Variants in LRRC7 observed in about 807,000 individuals in gnomAD.
LRRC7 encodes leucine-rich repeat-containing protein 7.
Under a neutral mutation model 175.7 loss-of-function variants are expected in LRRC7, and 23 were observed. The ratio of observed to expected loss-of-function variants is 0.13; its 90% CI spans 0.09 to 0.19. The LOEUF (loss-of-function observed/expected upper bound fraction) is 0.19. Among genes scored for constraint, LRRC7 ranks in the 10% least tolerant of loss-of-function variants. The pLI is 1.00. For missense variants in LRRC7, 1,354 were observed against 1,904.7 expected (o/e 0.71, Z 5.38); for synonymous variants, 685 against 680.9 (o/e 1.01, Z -0.09).
chr1:69,656,307 A>G (rs1357082926), intron 1 of LRRC7, among the ~76,000 whole-genome samples: 1 of 152,032 alleles, frequency 6.6e-6, no homozygotes, highest in Non-Finnish European at 1.5e-5. Context: ...ATGAGATGGT[A>G]TATTGTCAGT....
In LRRC7 at chr1:70,138,719, T is replaced by C. The variant is rs1369057926; in HGVS notation, c.*16832T>C. The C allele has an allele frequency of 6.6e-6, 1 of 152,214 alleles. No homozygotes were observed. Among genetic ancestry groups the C allele is most frequent in the Non-Finnish European group, 1.5e-5 (1 of 68,036 alleles). The allele number at this position is 152,214 out of a possible 1,614,324, so 9.4% of individuals were successfully genotyped here. On this transcript the variant is annotated 3_prime_UTR_variant, in exon 27 of 27. Transcript: ENST00000651989. ...GAATGCATAGATGTAGTAAAACCAT[T>C]AAATACAGTAGTATCTGGTGGCCTT...
chr1:69,916,588 T>C (rs1025755552), intron 7 of LRRC7, among the ~76,000 whole-genome samples: 2 of 151,968 alleles, frequency 1.3e-5, no homozygotes, highest in Non-Finnish European at 2.9e-5. Context: ...GTTAATTAAT[T>C]ATAGCTGCCT....
intron 7 of LRRC7, among the ~76,000 whole-genome samples, chr1:69,850,898 A>C (rs1682906471): frequency 6.6e-6 from 1 of 152,102 alleles, no homozygotes. Flanking sequence ...ATTATATTTA[A>C]AATTATGAAA....
chr1:69,620,479 A>G (rs1329926119), intron 1 of LRRC7, among the ~76,000 whole-genome samples: 1 of 152,206 alleles, frequency 6.6e-6, no homozygotes, highest in Non-Finnish European at 1.5e-5. Context: ...TTACAAGTGC[A>G]GGTTTTAATA....
At chr1:69,702,834 C>A (rs915214660) in intron 2 of LRRC7, among the ~76,000 whole-genome samples, 1 of 152,018 alleles carries the variant, frequency 6.6e-6, no homozygotes, top group South Asian at 2.1e-4. Context: ...ATCCTAGGCA[C>A]AAAATAATAT....
chr1:69,711,757 A>G (rs1288078010), intron 2 of LRRC7, among the ~76,000 whole-genome samples: 1 of 152,186 alleles, frequency 6.6e-6, no homozygotes, highest in Non-Finnish European at 1.5e-5. Context: ...GATTATAAGC[A>G]TAACTGAACA....
intron 2 of LRRC7, among the ~76,000 whole-genome samples, chr1:69,715,444 C>T (rs1344681701): frequency 6.6e-6 from 1 of 151,990 alleles, no homozygotes; most frequent in East Asian, 1.9e-4. Flanking sequence ...GTATAGAATA[C>T]AAATTGCAAC....
intron 1 of LRRC7, among the ~76,000 whole-genome samples, chr1:69,612,487 C>T (rs562662816): frequency 1.3e-5 from 2 of 151,834 alleles, no homozygotes; most frequent in South Asian, 2.1e-4. Context: ...TACAGCCTAG[C>T]GTGAATGTAA....
chr1:70,108,324 A>G (rs915894359), intron 26 of LRRC7, among the ~76,000 whole-genome samples: 9 of 152,132 alleles, frequency 5.9e-5, no homozygotes, highest in African/African-American at 2.2e-4. Flanking sequence ...ACTTTTAAAA[A>G]TGCATTGTGT....
In LRRC7 at chr1:70,032,242, T is replaced by C. The variant is rs1431272771; in HGVS notation, c.1995+3871T>C. ...TGTAACTCACAGTGTCCCTGTTAAT[T>C]GCAACAACACCCATGGGTGCCTCAG... is the stretch of plus-strand genomic sequence containing the variant. On this transcript the variant is annotated intron_variant, in intron 18 of 26. Coordinates refer to ENST00000651989, the MANE Select transcript of LRRC7 (RefSeq NM_001370785.2). Among the ~76,000 whole-genome samples, 5 of 152,300 alleles carry C rather than the reference T, an allele frequency of 3.3e-5. No individual in the cohort carries two copies. In the East Asian group the frequency reaches 9.6e-4, roughly 29 times the overall value.
intron 17 of LRRC7, among the ~76,000 whole-genome samples, 166 bp from the exon 18 acceptor site, chr1:70,028,005 C>CT (rs1395663952): frequency 2.0e-5 from 3 of 152,084 alleles, no homozygotes; most frequent in Admixed American, 2.0e-4. Context: ...TCCCAGAAGG[C>CT]TGAATATGAG....
Position 70,107,746 on chromosome 1 carries a change from T to C in LRRC7, c.4546-6T>C. 1.9e-6 allele frequency: 3 copies of C among 1,612,048 alleles called. No homozygotes were observed. The highest frequency in any genetic ancestry group is 2.5e-6 in the Non-Finnish European group (3 of 1,178,320). On this transcript the variant is annotated splice_polypyrimidine_tract_variant and splice_region_variant and intron_variant, in intron 25 of 26. Coordinates refer to ENST00000651989, the MANE Select transcript of LRRC7 (RefSeq NM_001370785.2). ...AATCCTAACCTCTGTTACTTCTGAC[T>C]TATAGGGTATCTTTGTTACTAGGGT...
chr1:69,746,276 C>T (rs1293301050), intron 2 of LRRC7, among the ~76,000 whole-genome samples: 3 of 151,948 alleles, frequency 2.0e-5, no homozygotes, highest in African/African-American at 7.2e-5. Flanking sequence ...TTTTTCAAGA[C>T]ATTTTTGAAA....
intron 7 of LRRC7, among the ~76,000 whole-genome samples, chr1:69,899,808 T>C (rs1054722834): frequency 1.3e-5 from 2 of 152,178 alleles, no homozygotes; most frequent in Non-Finnish European, 2.9e-5. Flanking sequence ...TTCGGCCGTA[T>C]GAGGACTTAG....
intron 8 of LRRC7, 27 bp from the exon 9 acceptor site, chr1:69,980,352 T>C (rs926144661): frequency 5.1e-6 from 8 of 1,570,566 alleles, no homozygotes; most frequent in Non-Finnish European, 7.0e-6. Flanking sequence ...TGTTTTCCTC[T>C]CTCCTTCCTC....
At chr1:69,610,399 G>T (rs1338469879) in intron 1 of LRRC7, among the ~76,000 whole-genome samples, 1 of 152,116 alleles carries the variant, frequency 6.6e-6, no homozygotes, top group African/African-American at 2.4e-5. Context: ...TTTTCAGTGA[G>T]ACAAGATTGG....
At chr1:69,775,454 C>A (rs1221645768) in intron 3 of LRRC7, among the ~76,000 whole-genome samples, 1 of 152,152 alleles carries the variant, frequency 6.6e-6, no homozygotes, top group Non-Finnish European at 1.5e-5. Context: ...TAGTGGAATG[C>A]CCTCTCTGAT....
intron 17 of LRRC7, among the ~76,000 whole-genome samples, chr1:70,026,524 GTTTA>G (rs1224450214): frequency 6.6e-6 from 1 of 151,926 alleles, no homozygotes; most frequent in Non-Finnish European, 1.5e-5. Context: ...TTCCTTTTAT[GTTTA>G]TTTAAGAATA....
In LRRC7 at chr1:69,647,316, C is replaced by A. The variant is rs192934430; in HGVS notation, c.3-31065C>A. Among the ~76,000 whole-genome samples the A allele has an allele frequency of 3.8e-3, 575 of 152,254 alleles. 3 individuals carry two copies. The highest frequency in any genetic ancestry group is 4.1e-3 in the Non-Finnish European group (281 of 68,008). On this transcript the variant is annotated intron_variant, in intron 1 of 26. Coordinates refer to ENST00000651989, the MANE Select transcript of LRRC7 (RefSeq NM_001370785.2). The stretch of plus-strand genomic sequence containing the variant: ...TTTTATAATGCACCCTTTAAAGATT[C>A]TGTGAAACAAAAGAATGTCTAATTT...
Sources: allele counts gnomAD v4.1 joint callset (sites outside exome capture counted in the v4.1 genomes callset), GRCh38; gene constraint gnomAD v4.1.1; transcripts MANE v1.5; gene names NCBI Gene and HGNC (gene_info 2026-07-23, HGNC 2026-07-21).